The following DST variants were observed in gnomAD, a reference collection of about 807,000 sequenced individuals.
The protein encoded by DST is dystonin, also known as bullous pemphigoid antigen.
A neutral mutation model predicts 875.2 loss-of-function variants in DST; 253 were observed. That is an observed-to-expected ratio of 0.29 (90% CI 0.26 to 0.32). The LOEUF is 0.32. DST is among the 10% of genes least tolerant of loss of function. The pLI is 1.00. For synonymous variants in DST, 3,124 were observed against 3,197.1 expected (o/e 0.98, Z 0.77); for missense variants, 8,287 against 9,111.6 (o/e 0.91, Z 3.68).
chr6:56,605,326 T>C lies in DST; in HGVS notation c.9302A>G (p.Glu3101Gly), dbSNP rs924386164. ...QFPFPQITNN[E>G]ELNQKGSLKK... ...AAGGCTTCCTTTCTGATTAAGTTCT[T>C]CATTGTTTGTGATTTGTGGAAATGG... The change falls in exon 40 of 104, where the codon GAA (glutamate) becomes GGA (glycine). Residue 3101 changes from glutamate to glycine, a missense_variant. Transcript: ENST00000680361. The C allele has an allele frequency of 6.2e-7, 1 of 1,612,306 alleles. No homozygotes were observed. Among genetic ancestry groups the C allele is most frequent in the Non-Finnish European group, 8.5e-7 (1 of 1,179,178 alleles).
chr6:56,561,357 G>T lies in DST; in HGVS notation c.14261C>A (p.Pro4754His), dbSNP rs1411003778. The T allele has an allele frequency of 2.5e-6, 4 of 1,613,746 alleles. No individual in the cohort carries two copies. Among genetic ancestry groups the T allele is most frequent in the Non-Finnish European group, 3.4e-6 (4 of 1,179,774 alleles). ...NKTATKWQQT[P>H]APTDTEAVKT... ...CACAGCTTCAGTATCTGTAGGTGCAGGTGTCTGCTGCCATTTTGTTGCAGT... is the reference window on the plus strand; with the variant it reads ...CACAGCTTCAGTATCTGTAGGTGCATGTGTCTGCTGCCATTTTGTTGCAGT... Residue 4754 changes from proline (P) to histidine (H), a missense_variant, in exon 57 of 104, where the codon CCT becomes CAT. This residue lies in a region of DST where 1,513 missense variants were observed against 1,677.8 expected (regional missense o/e 0.90). Coordinates refer to ENST00000680361, the MANE Select transcript of DST (RefSeq NM_001374736.1).
At chr6:56,514,116 C>CA (rs750947700) in intron 72 of DST, among the ~76,000 whole-genome samples, 3 of 152,036 alleles carry the variant, frequency 2.0e-5, no homozygotes, top group East Asian at 3.9e-4. Flanking sequence ...TGCAAAAAGG[C>CA]AAAAAAACTC....
intron 5 of DST, among the ~76,000 whole-genome samples, chr6:56,721,152 C>T (rs911112997): frequency 2.7e-5 from 4 of 149,228 alleles, no homozygotes; most frequent in Non-Finnish European, 4.4e-5. Flanking sequence ...GGGGCGGCCC[C>T]CCCCACCTCC....
In DST at chr6:56,614,286, G is replaced by A; in HGVS notation, c.5058+70C>T. The A allele has an allele frequency of 2.9e-6, 4 of 1,392,110 alleles. No homozygotes were observed. The South Asian group carries it at 6.2e-5, about 22-fold the overall frequency. The allele number at this position is 1,392,110 out of a possible 1,614,324, so 86.2% of individuals were successfully genotyped here. A position where few individuals can be genotyped will look rare whatever the true frequency, so the allele number is the denominator to read the frequency against. On this transcript the variant is annotated intron_variant, in intron 37 of 103. Coordinates refer to ENST00000680361, the MANE Select transcript of DST (RefSeq NM_001374736.1). Reference sequence around the variant, plus strand: ...AGGTAAAAATTAAACATTGTGCTAGGTAAACTGTGTCAACTCAGTTAACGT... The same window carrying A: ...AGGTAAAAATTAAACATTGTGCTAGATAAACTGTGTCAACTCAGTTAACGT...
intron 9 of DST, among the ~76,000 whole-genome samples, chr6:56,683,253 C>CA (rs1191397453): frequency 2.6e-5 from 4 of 152,184 alleles, no homozygotes; most frequent in Non-Finnish European, 5.9e-5. Context: ...ATACCAACAA[C>CA]ATGTTTTGAA....
intron 3 of DST, among the ~76,000 whole-genome samples, chr6:56,863,622 C>G (rs1206561197): frequency 6.6e-6 from 1 of 152,144 alleles, no homozygotes; most frequent in Non-Finnish European, 1.5e-5. Flanking sequence ...TGAAATATTG[C>G]TTGGGTGTTT....
In DST at chr6:56,920,852, C is replaced by CGGA. The variant is rs570322781; in HGVS notation, c.217-20234_217-20232dup. Among the ~76,000 whole-genome samples the CGGA allele has an allele frequency of 1.8e-4, 26 of 147,118 alleles. No homozygotes were observed. The South Asian group carries it at 5.2e-3, about 29-fold the overall frequency. ...CAAGTGATTCTCCTGCCTCAGCCTC[C>CGGA]GGAGTAGCTGTGACCACAGGAACAC... On this transcript the variant is annotated intron_variant, in intron 2 of 103. Coordinates refer to ENST00000680361, the MANE Select transcript of DST (RefSeq NM_001374736.1).
At chr6:56,571,085 C>A (rs2097773731) in intron 53 of DST, among the ~76,000 whole-genome samples, 1 of 152,174 alleles carries the variant, frequency 6.6e-6, no homozygotes, top group Non-Finnish European at 1.5e-5. Context: ...TCAGGAAACT[C>A]CCTGGTGAAC....
intron 4 of DST, among the ~76,000 whole-genome samples, chr6:56,805,720 C>T (rs1412345689): frequency 2.0e-5 from 3 of 152,202 alleles, no homozygotes; most frequent in South Asian, 2.1e-4. Context: ...GTACTAGTAT[C>T]ATTCCCATTT....
chr6:56,649,382 C>T (rs774354708), intron 12 of DST, among the ~76,000 whole-genome samples: 2 of 152,178 alleles, frequency 1.3e-5, no homozygotes, highest in Non-Finnish European at 2.9e-5. Context: ...AAGAGAGATA[C>T]ATAATATAAA....
At position 56,458,880 on chromosome 6, in the gene DST, A is replaced by T. The variant is rs1290380460; in HGVS notation, c.*125T>A. 10 of 1,024,626 alleles carry T rather than the reference A, an allele frequency of 9.8e-6. No homozygotes were observed. The highest frequency in any genetic ancestry group is 6.9e-6 in the Non-Finnish European group (5 of 727,714). 63.5% of individuals were successfully genotyped at this position (1,024,626 alleles called of 1,614,324 possible). ...AAATAAAAAGACAAATACACAAATA[A>T]GGCCATCTGCAGAATTTTAAACTCG... On this transcript the variant is annotated 3_prime_UTR_variant, in exon 104 of 104. Coordinates refer to ENST00000680361, the MANE Select transcript of DST (RefSeq NM_001374736.1).
At chr6:56,478,750 C>T (rs190575259) in intron 90 of DST, among the ~76,000 whole-genome samples, 82 of 152,230 alleles carry the variant, frequency 5.4e-4, no homozygotes, top group East Asian at 1.7e-3. Context: ...CCGCAGAGAT[C>T]GATGATGCCC....
chr6:56,621,593 G>A (rs1470295838), intron 36 of DST, among the ~76,000 whole-genome samples: 2 of 152,166 alleles, frequency 1.3e-5, no homozygotes, highest in South Asian at 2.1e-4. Flanking sequence ...CAGCTCCAAT[G>A]TATAGAAAAA....
intron 54 of DST, among the ~76,000 whole-genome samples, chr6:56,569,299 T>C (rs2097736922): frequency 7.7e-6 from 1 of 130,414 alleles, no homozygotes; most frequent in South Asian, 2.4e-4. Context: ...CACTCCAGCC[T>C]GGGCAAAAGA....
chr6:56,563,408 T>A (rs879158853), intron 55 of DST, among the ~76,000 whole-genome samples: 8 of 152,186 alleles, frequency 5.3e-5, no homozygotes, highest in Non-Finnish European at 5.9e-5. Context: ...TCTGTTCATA[T>A]CCTTCGCCCA....
chr6:56,930,234 T>C (rs1377694271), intron 2 of DST, among the ~76,000 whole-genome samples: 2 of 152,228 alleles, frequency 1.3e-5, no homozygotes, highest in Non-Finnish European at 2.9e-5. Flanking sequence ...GCCCTAACTT[T>C]GGGATCTACT....
intron 36 of DST, among the ~76,000 whole-genome samples, chr6:56,624,062 G>GC (rs1249140090): frequency 6.6e-6 from 1 of 151,464 alleles, no homozygotes; most frequent in Non-Finnish European, 1.5e-5. Context: ...TTCTAAGTTA[G>GC]CATCTTTACA....
chr6:56,632,004 G>A lies in DST; in HGVS notation c.3842C>T (p.Ser1281Phe), dbSNP rs1171023903. Residue 1281 changes from serine (S) to phenylalanine (F), a missense_variant, in exon 29 of 104, where the codon TCT becomes TTT. Coordinates refer to ENST00000680361, the MANE Select transcript of DST (RefSeq NM_001374736.1). ...CCGAAGTCTAATGTTTCGAACTTCAGAGATGTAGAGATTATAAACTGATTC... is the reference window on the plus strand; with the variant it reads ...CCGAAGTCTAATGTTTCGAACTTCAAAGATGTAGAGATTATAAACTGATTC... ...QEESVYNLYI[S>F]EVRNIRLRLE... 6.8e-6 allele frequency: 11 copies of A among 1,613,286 alleles called. No homozygotes were observed. The highest frequency in any genetic ancestry group is 8.5e-6 in the Non-Finnish European group (10 of 1,179,402).
chr6:56,685,514 G>A (rs2099179170), intron 9 of DST, among the ~76,000 whole-genome samples: 1 of 152,160 alleles, frequency 6.6e-6, no homozygotes, highest in Non-Finnish European at 1.5e-5. Flanking sequence ...GCTTATGCCT[G>A]TAATCCCAGC....
Sources: allele counts gnomAD v4.1 joint callset (sites outside exome capture counted in the v4.1 genomes callset), GRCh38; gene constraint gnomAD v4.1.1; regional missense constraint gnomAD v4.1.1; transcripts MANE v1.5; gene names NCBI Gene and HGNC (gene_info 2026-07-23, HGNC 2026-07-21).